HSD17B11: variants seen among roughly 807,000 people sequenced by gnomAD.
HSD17B11 encodes the protein estradiol 17-beta-dehydrogenase 11.
HSD17B11 carries 22 observed loss-of-function variants against 27.8 expected under a neutral mutation model. The observed-to-expected ratio is 0.79, with a 90% CI of 0.56 to 1.13. The LOEUF (loss-of-function observed/expected upper bound fraction) is 1.13. Ranked by LOEUF, HSD17B11 falls within the 50% of genes most tolerant of loss-of-function variation. The probability of loss-of-function intolerance (pLI) is 0.00; values close to 1 mark genes in which losing one functional copy is unlikely to be tolerated. For missense variants in HSD17B11, 314 were observed against 351.1 expected (o/e 0.89, Z 0.84); for synonymous variants, 117 against 132.8 (o/e 0.88, Z 0.82).
At chr4:87,390,140 T>A (rs1692761837) in intron 1 of HSD17B11, among the ~76,000 whole-genome samples, 1 of 152,046 alleles carries the variant, frequency 6.6e-6, no homozygotes, top group African/African-American at 2.4e-5. Flanking sequence ...GTAGCATTGG[T>A]TTCTGTTGAG....
chr4:87,354,867 C>T (rs1423784211), intron 5 of HSD17B11, among the ~76,000 whole-genome samples: 2 of 145,414 alleles, frequency 1.4e-5, no homozygotes, highest in Admixed American at 7.1e-5. Flanking sequence ...AATCTTGGCA[C>T]TTTGGGAGGT....
chr4:87,370,456 G>T (rs1258666784), intron 4 of HSD17B11, among the ~76,000 whole-genome samples: 1 of 151,752 alleles, frequency 6.6e-6, no homozygotes, highest in Non-Finnish European at 1.5e-5. Flanking sequence ...TCTCTCTGTT[G>T]CCAGGCTGGA....
chr4:87,382,111 G>A, intron 2 of HSD17B11, 144 bp downstream of exon 2: 1 of 583,310 alleles, frequency 1.7e-6, no homozygotes, highest in Non-Finnish European at 3.1e-6. Context: ...TCTAGTTTTG[G>A]GTTTGCTATG....
chr4:87,341,863 C>A (rs529101415), intron 5 of HSD17B11, among the ~76,000 whole-genome samples: 1 of 149,444 alleles, frequency 6.7e-6, no homozygotes, highest in African/African-American at 2.4e-5. Context: ...TAGACCCTGT[C>A]TCTAAATAAA....
intron 1 of HSD17B11, among the ~76,000 whole-genome samples, chr4:87,382,914 A>G (rs531508232): frequency 1.3e-5 from 2 of 152,360 alleles, no homozygotes; most frequent in African/African-American, 2.4e-5. Context: ...AAACATAAGT[A>G]TCATAGTTAA....
chr4:87,345,891 C>T (rs1055135232), intron 5 of HSD17B11, among the ~76,000 whole-genome samples: 3 of 152,118 alleles, frequency 2.0e-5, no homozygotes, highest in African/African-American at 7.2e-5. Context: ...TAACACCAAT[C>T]CTTCAAATTC....
chr4:87,337,463 C>T (rs1489221654), intron 6 of HSD17B11, 97 bp from the exon 7 acceptor site: 31 of 695,188 alleles, frequency 4.5e-5, no homozygotes, highest in Non-Finnish European at 6.5e-5. Flanking sequence ...CATGTATAGT[C>T]ATGTTCATGT....
At chr4:87,338,165 C>A (rs997964739) in intron 6 of HSD17B11, among the ~76,000 whole-genome samples, 1 of 152,112 alleles carries the variant, frequency 6.6e-6, no homozygotes, top group Non-Finnish European at 1.5e-5. Flanking sequence ...TGCAGTGAGC[C>A]CAGATCATGC....
Position 87,356,491 on chromosome 4 carries a change from A to G in HSD17B11, c.695+788T>C, listed in dbSNP as rs1735389986. Among the ~76,000 whole-genome samples the G allele has an allele frequency of 2.0e-5, 3 of 152,210 alleles. No homozygotes were observed. In the South Asian group the frequency reaches 6.2e-4, roughly 31 times the overall value. ...AGTATGCAGTATACTTGCTGCTTCC[A>G]GGACCCCATGTGTAACATACGCCAG... On this transcript the variant is annotated intron_variant, in intron 5 of 6. Transcript: ENST00000358290.
chr4:87,374,940 C>T (rs62319102), intron 2 of HSD17B11, 110 bp from the exon 3 acceptor site: 222,940 of 777,664 alleles, frequency 0.29, 34,783 homozygotes, highest in African/African-American at 0.36. Context: ...GTTGCCCAGG[C>T]TGCAGTACAG....
chr4:87,356,144 T>C (rs1428440469), intron 5 of HSD17B11, among the ~76,000 whole-genome samples: 3 of 152,152 alleles, frequency 2.0e-5, no homozygotes, highest in African/African-American at 7.2e-5. Context: ...AGAGAGTAAG[T>C]TGCTCTCCCT....
At chr4:87,339,590 T>C (rs1735125282) in intron 6 of HSD17B11, among the ~76,000 whole-genome samples, 1 of 152,224 alleles carries the variant, frequency 6.6e-6, no homozygotes. Context: ...TTCTCCCAGC[T>C]GTCCTAAGGC....
intron 1 of HSD17B11, among the ~76,000 whole-genome samples, chr4:87,384,309 G>A (rs549975083): frequency 6.6e-6 from 1 of 152,252 alleles, no homozygotes; most frequent in African/African-American, 2.4e-5. Flanking sequence ...TGATAATTGT[G>A]TTAACTGTAC....
intron 5 of HSD17B11, among the ~76,000 whole-genome samples, chr4:87,341,572 G>T (rs563662644): frequency 1.3e-5 from 2 of 152,158 alleles, no homozygotes; most frequent in Non-Finnish European, 2.9e-5. Context: ...TGGGTTTTAG[G>T]CTGGGTGTGA....
intron 1 of HSD17B11, among the ~76,000 whole-genome samples, chr4:87,387,849 C>T (rs1350849782): frequency 2.0e-5 from 3 of 152,076 alleles, no homozygotes; most frequent in Non-Finnish European, 2.9e-5. Flanking sequence ...ACCATTACTC[C>T]GAATCTCTGC....
chr4:87,383,586 C>A (rs1014689097), intron 1 of HSD17B11, among the ~76,000 whole-genome samples: 1 of 152,144 alleles, frequency 6.6e-6, no homozygotes, highest in African/African-American at 2.4e-5. Flanking sequence ...CAAGATCACG[C>A]TGCCACATGT....
At chr4:87,369,085 C>T (rs1046145131) in intron 4 of HSD17B11, among the ~76,000 whole-genome samples, 2 of 152,168 alleles carry the variant, frequency 1.3e-5, no homozygotes, top group African/African-American at 2.4e-5. Context: ...ATCGGGACTC[C>T]TTTCCATTAA....
At chr4:87,381,116 G>A (rs1720152585) in intron 2 of HSD17B11, among the ~76,000 whole-genome samples, 1 of 149,284 alleles carries the variant, frequency 6.7e-6, no homozygotes, top group Admixed American at 6.7e-5. Context: ...GAACCCGGGA[G>A]GTGGAGCTTG....
chr4:87,345,555 C>G (rs560521771), intron 5 of HSD17B11, among the ~76,000 whole-genome samples: 24 of 152,056 alleles, frequency 1.6e-4, no homozygotes, highest in African/African-American at 5.5e-4. Flanking sequence ...AATTAGCAAA[C>G]CTTTAGCTAC....
Sources: allele counts gnomAD v4.1 joint callset (sites outside exome capture counted in the v4.1 genomes callset), GRCh38; gene constraint gnomAD v4.1.1; transcripts MANE v1.5; gene names NCBI Gene and HGNC (gene_info 2026-07-23, HGNC 2026-07-21).